The following OSBPL1A variants were observed in gnomAD, a reference collection of about 807,000 sequenced individuals.
OSBPL1A encodes oxysterol binding protein like 1A.
A neutral mutation model predicts 137.1 loss-of-function variants in OSBPL1A; 80 were observed. The observed-to-expected ratio is 0.58, with a 90% CI of 0.49 to 0.70. The LOEUF is 0.70. Ranked by LOEUF, OSBPL1A falls within the 30% of genes least tolerant of loss-of-function variation. The pLI is 0.00. For missense variants in OSBPL1A, 970 were observed against 1,129.4 expected (o/e 0.86, Z 2.02); for synonymous variants, 365 against 389.7 (o/e 0.94, Z 0.75).
chr18:24,211,119 C>G (rs768221010), intron 17 of OSBPL1A, among the ~76,000 whole-genome samples: 1 of 152,124 alleles, frequency 6.6e-6, no homozygotes, highest in Non-Finnish European at 1.5e-5. Flanking sequence ...GTGCCCACCA[C>G]CACGCCCAGC....
chr18:24,193,429 A>G (rs1325737165), intron 18 of OSBPL1A, among the ~76,000 whole-genome samples: 1 of 150,968 alleles, frequency 6.6e-6, no homozygotes, highest in African/African-American at 2.4e-5. Context: ...TGGAGACTGC[A>G]GTGAGCCGAG....
At chr18:24,166,490 C>A (rs1345308248) in intron 26 of OSBPL1A, 89 bp downstream of exon 26, 3 of 1,464,176 alleles carry the variant, frequency 2.0e-6, no homozygotes, top group Non-Finnish European at 2.7e-6. Flanking sequence ...CGCTAGTACC[C>A]CAATGATGCT....
chr18:24,170,504 A>T (rs760517344), intron 23 of OSBPL1A, 51 bp from the exon 24 acceptor site: 66 of 1,609,648 alleles, frequency 4.1e-5, no homozygotes, highest in Non-Finnish European at 5.4e-5. Flanking sequence ...TGTTTTTTTA[A>T]AGCCGACAGC....
intron 21 of OSBPL1A, among the ~76,000 whole-genome samples, chr18:24,175,113 T>TATATATATATATATATAC (rs2086401686): frequency 4.4e-4 from 7 of 15,770 alleles, no homozygotes; most frequent in African/African-American, 6.4e-4. Flanking sequence ...TGTATGTATA[T>TATATATATATATATATAC]ATATATATAT....
At chr18:24,191,904 AGCTTTTCAATGACT>A (rs2086900088) in intron 18 of OSBPL1A, among the ~76,000 whole-genome samples, 1 of 152,246 alleles carries the variant, frequency 6.6e-6, no homozygotes, top group South Asian at 2.1e-4. Context: ...TAGAAGTATA[AGCTTTTCAATGACT>A]GAAGAATAGC....
At chr18:24,338,166 G>A (rs984310688) in intron 5 of OSBPL1A, among the ~76,000 whole-genome samples, 6 of 151,124 alleles carry the variant, frequency 4.0e-5, no homozygotes, top group East Asian at 2.0e-4. Flanking sequence ...TCTGCCTCTC[G>A]GGTTCAAGTG....
At chr18:24,172,512 T>C (rs201018647) in intron 21 of OSBPL1A, 29 bp from the exon 22 acceptor site, 20 of 1,486,676 alleles carry the variant, frequency 1.3e-5, no homozygotes, top group Admixed American at 1.7e-5. Flanking sequence ...CCCAGAAGCA[T>C]AAGTGAGAGG....
rs370943809 is a variant in OSBPL1A, at chr18:24,381,304, G to A, written c.-2-3769C>T. 2.4e-3 allele frequency among the ~76,000 whole-genome samples: 358 copies of A among 152,326 alleles called. 1 individual carries two copies. Among genetic ancestry groups the A allele is most frequent in the African/African-American group, 8.3e-3 (345 of 41,566 alleles). On this transcript the variant is annotated intron_variant, in intron 1 of 27. Transcript: ENST00000319481. The stretch of plus-strand genomic sequence containing the variant: ...ACTAACAGGGTTGTTGCTGAAGACA[G>A]GCCAGGGTGGTCAGACACCACCTGG...
At chr18:24,293,104 C>CAAA (rs1172730345) in intron 14 of OSBPL1A, among the ~76,000 whole-genome samples, 24 of 66,338 alleles carry the variant, frequency 3.6e-4, no homozygotes, top group East Asian at 8.3e-4. Flanking sequence ...ACTCCCGTCT[C>CAAA]AAAAAAAAAA....
intron 17 of OSBPL1A, among the ~76,000 whole-genome samples, chr18:24,210,066 C>G (rs992595896): frequency 3.9e-5 from 6 of 152,172 alleles, no homozygotes; most frequent in Non-Finnish European, 7.3e-5. Context: ...TGTAATGTAA[C>G]TTGTTGCTAT....
At chr18:24,298,596 C>T (rs948878185) in intron 14 of OSBPL1A, among the ~76,000 whole-genome samples, 4 of 152,218 alleles carry the variant, frequency 2.6e-5, no homozygotes, top group South Asian at 2.1e-4. Flanking sequence ...CCACCCACCT[C>T]GGCCTCCCAA....
intron 26 of OSBPL1A, 85 bp from the exon 27 acceptor site, chr18:24,165,240 G>T: frequency 1.7e-6 from 2 of 1,191,268 alleles, no homozygotes; most frequent in Non-Finnish European, 1.2e-6. Context: ...CTTCACAAAA[G>T]AACCATATCT....
chr18:24,293,739 A>T (rs2090235698), intron 14 of OSBPL1A, among the ~76,000 whole-genome samples: 1 of 152,122 alleles, frequency 6.6e-6, no homozygotes, highest in African/African-American at 2.4e-5. Flanking sequence ...TGAGGGGTGG[A>T]AGGGGCTGGA....
intron 16 of OSBPL1A, among the ~76,000 whole-genome samples, chr18:24,238,645 A>T (rs914179292): frequency 2.0e-5 from 3 of 152,200 alleles, no homozygotes; most frequent in Non-Finnish European, 4.4e-5. Flanking sequence ...CCCAGGTCAC[A>T]CAGCTGGCTA....
At chr18:24,166,849 A>G (rs2086156422) in intron 25 of OSBPL1A, 147 bp from the exon 26 acceptor site, 1 of 826,548 alleles carries the variant, frequency 1.2e-6, no homozygotes, top group Non-Finnish European at 1.8e-6. Flanking sequence ...ACACGTATCT[A>G]AATGTTTTCA....
chr18:24,184,354 A>C (rs985592607), intron 18 of OSBPL1A, among the ~76,000 whole-genome samples: 2 of 151,996 alleles, frequency 1.3e-5, no homozygotes, highest in African/African-American at 4.8e-5. Context: ...TGTCATGTTT[A>C]TGCTTTCATT....
At chr18:24,174,214 C>CA (rs2086366972) in intron 21 of OSBPL1A, among the ~76,000 whole-genome samples, 3 of 105,850 alleles carry the variant, frequency 2.8e-5, no homozygotes. Context: ...TTGGGATGAA[C>CA]GTAAGTTTCC....
At chr18:24,209,467 A>C (rs1203765509) in intron 17 of OSBPL1A, among the ~76,000 whole-genome samples, 4 of 152,230 alleles carry the variant, frequency 2.6e-5, no homozygotes, top group Non-Finnish European at 4.4e-5. Flanking sequence ...CATATTCAGG[A>C]AACAGTACAG....
intron 1 of OSBPL1A, among the ~76,000 whole-genome samples, chr18:24,390,159 A>G (rs930094012): frequency 6.6e-6 from 1 of 152,136 alleles, no homozygotes; most frequent in Non-Finnish European, 1.5e-5. Flanking sequence ...TCATACATAT[A>G]ACAACATGCA....
Sources: gnomAD v4.1 joint callset for allele counts (sites outside exome capture counted in the v4.1 genomes callset) on GRCh38, gnomAD v4.1.1 for gene constraint, MANE v1.5 for transcripts, NCBI Gene and HGNC (gene_info 2026-07-23, HGNC 2026-07-21) for gene names.